SYNE1: variants seen among roughly 807,000 people sequenced by gnomAD.
The protein encoded by SYNE1 is nesprin-1.
A neutral mutation model predicts 1,111.0 loss-of-function variants in SYNE1; 616 were observed. The ratio of observed to expected loss-of-function variants is 0.55; its 90% CI spans 0.52 to 0.59. SYNE1 has a LOEUF of 0.59. Among genes scored for constraint, SYNE1 ranks in the 20% least tolerant of loss-of-function variants. The pLI, the probability that SYNE1 is intolerant of heterozygous loss-of-function variation, is 0.00. For missense variants in SYNE1, 10,006 were observed against 10,417.0 expected (o/e 0.96, Z 1.72); for synonymous variants, 3,855 against 3,825.8 (o/e 1.01, Z -0.28).
At chr6:152,360,542 A>G (rs1563346093) in intron 64 of SYNE1, among the ~76,000 whole-genome samples, 2 of 151,574 alleles carry the variant, frequency 1.3e-5, no homozygotes, top group African/African-American at 4.9e-5. Context: ...ACACCACACT[A>G]CTTTTTTTTT....
intron 133 of SYNE1, among the ~76,000 whole-genome samples, chr6:152,153,097 TTC>T (rs766844642): frequency 1.3e-5 from 2 of 152,208 alleles, no homozygotes; most frequent in Non-Finnish European, 2.9e-5. Flanking sequence ...AATCCCCAAA[TTC>T]TGTTTTCCTT....
intron 59 of SYNE1, among the ~76,000 whole-genome samples, chr6:152,370,136 C>G (rs13203258): frequency 1.3e-5 from 2 of 151,894 alleles, no homozygotes; most frequent in East Asian, 3.9e-4. Context: ...TAGAATTTTT[C>G]CCCCCTAACT....
intron 21 of SYNE1, among the ~76,000 whole-genome samples, chr6:152,461,179 G>A (rs1351960038): frequency 6.6e-6 from 1 of 152,010 alleles, no homozygotes; most frequent in African/African-American, 2.4e-5. Context: ...ACAGCTTTGT[G>A]GCTATGCTTG....
intron 93 of SYNE1, among the ~76,000 whole-genome samples, chr6:152,296,416 T>C (rs1349358696): frequency 1.3e-5 from 2 of 152,210 alleles, no homozygotes; most frequent in African/African-American, 4.8e-5. Context: ...AGGAACCAAT[T>C]TAGGAAAAAA....
rs915844790 is a variant in SYNE1 at position 152,441,030 on chromosome 6, A to C, written c.4149+100T>G. 6.4e-5 allele frequency: 92 copies of C among 1,428,348 alleles called. No individual in the cohort carries two copies. The Admixed American group carries it at 1.6e-3, about 25-fold the overall frequency. 88.5% of individuals were successfully genotyped at this position (1,428,348 alleles called of 1,614,324 possible). On this transcript the variant is annotated intron_variant, in intron 32 of 145. Coordinates refer to ENST00000367255, the MANE Select transcript of SYNE1 (RefSeq NM_182961.4). Reference sequence around the variant, plus strand: ...ATCAATAAATAGTAAGTATTGATTAAATTAACAATAACAATTAATAGTAAT... The same window carrying C: ...ATCAATAAATAGTAAGTATTGATTACATTAACAATAACAATTAATAGTAAT...
In SYNE1 at chr6:152,619,767, G is replaced by A. The variant is rs138639886; in HGVS notation, c.67+8498C>T. ...AGTGTCCAAGATGGTACCGACAGGA[G>A]AATTTCTCAAGGGTCATTGTCAGCT... On this transcript the variant is annotated intron_variant, in intron 3 of 145. Coordinates refer to ENST00000367255, the MANE Select transcript of SYNE1 (RefSeq NM_182961.4). Among the ~76,000 whole-genome samples, 293 of 152,202 alleles carry A rather than the reference G, an allele frequency of 1.9e-3. 1 individual carries two copies. The highest frequency in any genetic ancestry group is 9.5e-3 in the South Asian group (46 of 4,822).
intron 3 of SYNE1, among the ~76,000 whole-genome samples, chr6:152,547,538 C>G (rs979995997): frequency 1.3e-5 from 2 of 152,100 alleles, no homozygotes; most frequent in Non-Finnish European, 2.9e-5. Context: ...CTGGAAGAGA[C>G]AGAAATGAGC....
At chr6:152,357,242 T>G (rs2096854347) in intron 66 of SYNE1, among the ~76,000 whole-genome samples, 1 of 152,164 alleles carries the variant, frequency 6.6e-6, no homozygotes, top group African/African-American at 2.4e-5. Context: ...AGTCACCTAG[T>G]GTTGGGTCCC....
intron 10 of SYNE1, among the ~76,000 whole-genome samples, chr6:152,499,181 GT>G (rs1371581969): frequency 6.6e-6 from 1 of 152,084 alleles, no homozygotes; most frequent in Non-Finnish European, 1.5e-5. Flanking sequence ...TTAAGAATGT[GT>G]TGTGCTTCTT....
At chr6:152,567,427 CTTT>C (rs2099417603) in intron 3 of SYNE1, among the ~76,000 whole-genome samples, 1 of 152,062 alleles carries the variant, frequency 6.6e-6, no homozygotes, top group Non-Finnish European at 1.5e-5. Flanking sequence ...TTACATGTTT[CTTT>C]AATAGTAAAG....
intron 131 of SYNE1, among the ~76,000 whole-genome samples, chr6:152,159,700 C>T (rs560077023): frequency 6.6e-6 from 1 of 152,134 alleles, no homozygotes; most frequent in East Asian, 1.9e-4. Context: ...AAATTCCTGG[C>T]CTCAAGTGAT....
At chr6:152,347,657 A>C (rs2096661102) in intron 72 of SYNE1, among the ~76,000 whole-genome samples, 1 of 151,094 alleles carries the variant, frequency 6.6e-6, no homozygotes, top group Admixed American at 6.7e-5. Context: ...AGGTTGGTGC[A>C]AAAGTAGTTG....
intron 3 of SYNE1, among the ~76,000 whole-genome samples, chr6:152,622,331 T>C (rs368097900): frequency 1.3e-5 from 2 of 152,246 alleles, no homozygotes; most frequent in South Asian, 4.1e-4. Context: ...TAAATTTGTG[T>C]CATGGAGGCT....
At position 152,132,221 on chromosome 6, in the gene SYNE1, G is replaced by A. The variant is rs1047875180; in HGVS notation, c.26002-7C>T. The A allele has an allele frequency of 1.2e-6, 2 of 1,613,622 alleles. No homozygotes were observed. The highest frequency in any genetic ancestry group is 3.3e-5 in the Admixed American group (2 of 59,996). On this transcript the variant is annotated splice_region_variant and splice_polypyrimidine_tract_variant and intron_variant, in intron 143 of 145. Transcript: ENST00000367255. ...AAGACCAGGAAGACAAATCCTATGT[G>A]GGAGAAAGATTCTTTTAACAACTCC... is the stretch of plus-strand genomic sequence containing the variant.
chr6:152,347,314 T>C (rs1278315288), intron 72 of SYNE1, 79 bp from the exon 73 acceptor site: 1 of 1,497,646 alleles, frequency 6.7e-7, no homozygotes, highest in Non-Finnish European at 9.2e-7. Flanking sequence ...AGATAGATTA[T>C]TTCACTGTTT....
At chr6:152,604,948 G>GA (rs1295339474) in intron 3 of SYNE1, among the ~76,000 whole-genome samples, 10 of 14,578 alleles carry the variant, frequency 6.9e-4, no homozygotes, top group Admixed American at 4.9e-3. Flanking sequence ...ATCTCACAAA[G>GA]AAAGAAAGAA....
rs115446741 is a variant in SYNE1, at chr6:152,550,108, C to T, written c.68-10087G>A. On this transcript the variant is annotated intron_variant, in intron 3 of 145. Transcript: ENST00000367255. ...TTAGATACTGGCAGTACCCTACACC[C>T]TAGTGATATATCTATTTGAAAAGTG... is the stretch of plus-strand genomic sequence containing the variant. Among the ~76,000 whole-genome samples, 632 of 152,230 alleles carry T rather than the reference C, an allele frequency of 4.2e-3. 6 individuals carry two copies. The highest frequency in any genetic ancestry group is 0.014 in the African/African-American group (566 of 41,540).
chr6:152,294,052 C>A lies in SYNE1; in HGVS notation c.17758G>T (p.Ala5920Ser), dbSNP rs765300968. 7.4e-6 allele frequency: 12 copies of A among 1,613,978 alleles called. No individual in the cohort carries two copies. Among genetic ancestry groups the A allele is most frequent in the Non-Finnish European group, 1.0e-5 (12 of 1,179,990 alleles). ...CCCGGTTCATAGAACTCCTGGGATG[C>A]GGATGTGCTGGGGTGAATTTTTGCA... is the stretch of plus-strand genomic sequence containing the variant. ...DAAKIHPSTSASQEFYEPGLE... is the reference protein window; with the variant it reads ...DAAKIHPSTSSSQEFYEPGLE... The change falls in exon 94 of 146, where the codon GCA becomes TCA. Residue 5920 changes from alanine (A) to serine (S), a missense_variant. Around this residue, in one of 7 missense-constraint regions of SYNE1, gnomAD observed 4,955 missense variants for 5,017.2 expected, o/e 0.99. Transcript: ENST00000367255.
At chr6:152,248,727 G>A (rs2088191192) in intron 105 of SYNE1, among the ~76,000 whole-genome samples, 2 of 151,852 alleles carry the variant, frequency 1.3e-5, no homozygotes, top group Admixed American at 1.3e-4. Context: ...TTTCTTTCCT[G>A]TTGTTGTGTG....
Sources: allele counts gnomAD v4.1 joint callset (sites outside exome capture counted in the v4.1 genomes callset), GRCh38; gene constraint gnomAD v4.1.1; regional missense constraint gnomAD v4.1.1; transcripts MANE v1.5; gene names NCBI Gene and HGNC (gene_info 2026-07-23, HGNC 2026-07-21).